ARHGAP44: variants seen among roughly 807,000 people sequenced by gnomAD.
ARHGAP44 encodes rho GTPase-activating protein 44.
ARHGAP44 carries 43 observed loss-of-function variants against 106.8 expected under a neutral mutation model. The observed-to-expected ratio is 0.40, with a 90% CI of 0.32 to 0.52. The LOEUF is 0.52. Among genes scored for constraint, ARHGAP44 ranks in the 20% least tolerant of loss-of-function variants. The pLI is 0.48. For missense variants in ARHGAP44, 866 were observed against 1,050.5 expected (o/e 0.82, Z 2.43); for synonymous variants, 439 against 410.3 (o/e 1.07, Z -0.85).
chr17:12,956,866 A>AAC (rs3076699), intron 15 of ARHGAP44, 120 bp downstream of exon 15: 32,582 of 620,234 alleles, frequency 0.053, 756 homozygotes, highest in African/African-American at 0.16. Context: ...TTCCCCTATA[A>AAC]ACACACACAC....
At chr17:12,916,478 G>A (rs1179768023) in intron 5 of ARHGAP44, among the ~76,000 whole-genome samples, 4 of 152,096 alleles carry the variant, frequency 2.6e-5, no homozygotes, top group Admixed American at 1.3e-4. Context: ...CCGCCTCCCA[G>A]GTTCAAGTGA....
At chr17:12,874,237 A>G (rs971657532) in intron 1 of ARHGAP44, among the ~76,000 whole-genome samples, 6 of 152,198 alleles carry the variant, frequency 3.9e-5, no homozygotes, top group African/African-American at 1.2e-4. Flanking sequence ...TTCACAGAGG[A>G]CTTTGCAGCA....
At chr17:12,891,352 C>T (rs187657767) in intron 1 of ARHGAP44, among the ~76,000 whole-genome samples, 229 of 152,200 alleles carry the variant, frequency 1.5e-3, no homozygotes, top group Non-Finnish European at 2.7e-3. Context: ...ATTTATTGGC[C>T]GCAGTTCTGA....
At chr17:12,859,698 G>C (rs2097986) in intron 1 of ARHGAP44, among the ~76,000 whole-genome samples, 95,895 of 152,072 alleles carry the variant, frequency 0.63, 31,060 homozygotes, top group East Asian at 0.79. Flanking sequence ...AATACACACA[G>C]ATGCAAAAAC....
At chr17:12,852,914 T>C (rs1012739396) in intron 1 of ARHGAP44, among the ~76,000 whole-genome samples, 4 of 152,164 alleles carry the variant, frequency 2.6e-5, no homozygotes, top group Non-Finnish European at 4.4e-5. Flanking sequence ...GTCAGGTGGA[T>C]TTTTTAAAGA....
chr17:12,972,960 C>T (rs776735088), intron 16 of ARHGAP44: 7 of 216,836 alleles, frequency 3.2e-5, no homozygotes, highest in Non-Finnish European at 6.3e-5. Flanking sequence ...GGCGCCTGGT[C>T]ATAAATAAGT....
At chr17:12,966,688 G>A (rs1356949427) in intron 16 of ARHGAP44, among the ~76,000 whole-genome samples, 2 of 152,168 alleles carry the variant, frequency 1.3e-5, no homozygotes, top group African/African-American at 4.8e-5. Context: ...GTGGATATTT[G>A]GGAAGCTACC....
intron 1 of ARHGAP44, among the ~76,000 whole-genome samples, chr17:12,848,967 G>C (rs1297050103): frequency 6.6e-6 from 1 of 151,636 alleles, no homozygotes; most frequent in Non-Finnish European, 1.5e-5. Flanking sequence ...AGAATTGCTT[G>C]AACTTGGGAG....
intron 3 of ARHGAP44, among the ~76,000 whole-genome samples, chr17:12,903,187 T>TGTGTGTGTGTG (rs2037447596): frequency 2.5e-5 from 1 of 39,622 alleles, no homozygotes; most frequent in Non-Finnish European, 5.9e-5. Context: ...GTGTGTGTGT[T>TGTGTGTGTGTG]TGGAGGAATG....
At chr17:12,857,279 T>G (rs942120670) in intron 1 of ARHGAP44, among the ~76,000 whole-genome samples, 1 of 152,208 alleles carries the variant, frequency 6.6e-6, no homozygotes, top group African/African-American at 2.4e-5. Context: ...GACTGGGTAT[T>G]TTATAAAGAA....
At chr17:12,851,753 A>G (rs1281854596) in intron 1 of ARHGAP44, among the ~76,000 whole-genome samples, 1 of 152,076 alleles carries the variant, frequency 6.6e-6, no homozygotes, top group Non-Finnish European at 1.5e-5. Context: ...CTTTCTAAAT[A>G]GGAGAAGGAA....
intron 1 of ARHGAP44, among the ~76,000 whole-genome samples, chr17:12,813,612 C>T (rs986611583): frequency 2.6e-5 from 4 of 152,082 alleles, no homozygotes; most frequent in Non-Finnish European, 4.4e-5. Flanking sequence ...TGTATCTGCT[C>T]CAGGTACAGA....
chr17:12,978,667 C>CT lies in ARHGAP44; in HGVS notation c.1764-1381dup, dbSNP rs1001520189. On this transcript the variant is annotated intron_variant, in intron 18 of 20. Transcript: ENST00000379672. ...TAGGAAAGAAATAGGCTGTGCCTGC[C>CT]TTTTTTTTTTCTTTTCTTTTTTCTT... Among the ~76,000 whole-genome samples, 20 of 146,490 alleles carry CT rather than the reference C, an allele frequency of 1.4e-4. No individual in the cohort carries two copies. The East Asian group carries it at 1.4e-3, about 10-fold the overall frequency.
intron 1 of ARHGAP44, among the ~76,000 whole-genome samples, chr17:12,803,018 G>C (rs1000236613): frequency 7.6e-6 from 1 of 131,364 alleles, no homozygotes; most frequent in Non-Finnish European, 1.6e-5. Context: ...TGTCACCCAG[G>C]CTGAAGTACA....
chr17:12,851,798 C>G (rs1456625456), intron 1 of ARHGAP44, among the ~76,000 whole-genome samples: 2 of 152,100 alleles, frequency 1.3e-5, no homozygotes, highest in African/African-American at 2.4e-5. Flanking sequence ...CTGAGGAAGA[C>G]TTTCCAGAAA....
intron 1 of ARHGAP44, among the ~76,000 whole-genome samples, chr17:12,871,818 G>A (rs566020798): frequency 2.0e-5 from 3 of 152,208 alleles, no homozygotes. Context: ...CTCCTTCCAT[G>A]TAAGATGTGC....
Position 12,990,104 on chromosome 17 carries a change from A to C in ARHGAP44, c.2390A>C (p.His797Pro), listed in dbSNP as rs746543889. ...ACGCTCCGCCTGAGTCCCCTGGAGCACATGCGGCGACACTCAGTAACTGAC... is the reference window on the plus strand; with the variant it reads ...ACGCTCCGCCTGAGTCCCCTGGAGCCCATGCGGCGACACTCAGTAACTGAC... ...GSTLRLSPLE[H>P]MRRHSVTDKR... The change falls in exon 21 of 21, where the codon CAC (histidine) becomes CCC (proline). Residue 797 changes from histidine to proline, a missense_variant. Around this residue, in one of 2 missense-constraint regions of ARHGAP44, gnomAD observed 418 missense variants for 403.6 expected, o/e 1.04. Transcript: ENST00000379672. The C allele has an allele frequency of 1.9e-6, 3 of 1,613,508 alleles. 1 individual carries two copies. In the South Asian group the frequency reaches 3.3e-5, roughly 18 times the overall value.
intron 3 of ARHGAP44, among the ~76,000 whole-genome samples, chr17:12,904,127 G>A (rs1351258029): frequency 6.6e-6 from 1 of 150,794 alleles, no homozygotes; most frequent in Non-Finnish European, 1.5e-5. Context: ...TTTTTAATTT[G>A]AGACAGTCTC....
In ARHGAP44 at chr17:12,916,104, C is replaced by T; in HGVS notation, c.387+93C>T. 3 of 983,058 alleles carry T rather than the reference C, an allele frequency of 3.1e-6. No individual in the cohort carries two copies. In the South Asian group the frequency reaches 4.7e-5, roughly 15 times the overall value. The allele number at this position is 983,058 out of a possible 1,614,324, so 60.9% of individuals were successfully genotyped here. A position where few individuals can be genotyped will look rare whatever the true frequency, so the allele number is the denominator to read the frequency against. ...TCTGTTTCCAGCATTCTACTTCTTT[C>T]CCTTAACCTTCTCCCCAACATTGTT... On this transcript the variant is annotated intron_variant, in intron 5 of 20. Transcript: ENST00000379672.
Sources: gnomAD v4.1 joint callset for allele counts (sites outside exome capture counted in the v4.1 genomes callset) on GRCh38, gnomAD v4.1.1 for gene constraint, gnomAD v4.1.1 regional missense constraint, MANE v1.5 for transcripts, NCBI Gene and HGNC (gene_info 2026-07-23, HGNC 2026-07-21) for gene names.